The following DIDO1 variants were observed in gnomAD, a reference collection of about 807,000 sequenced individuals.
DIDO1 encodes the protein death inducer-obliterator 1.
DIDO1 carries 16 observed loss-of-function variants against 99.4 expected under a neutral mutation model. The ratio of observed to expected loss-of-function variants is 0.16; its 90% confidence interval spans 0.11 to 0.24. The LOEUF is 0.24. DIDO1 is among the 10% of genes least tolerant of loss of function. The probability of loss-of-function intolerance (pLI) is 1.00; values close to 1 mark genes in which losing one functional copy is unlikely to be tolerated. For missense variants in DIDO1, 2,996 were observed against 3,014.0 expected (o/e 0.99, Z 0.14); for synonymous variants, 1,366 against 1,239.1 (o/e 1.10, Z -2.15).
rs1018493802 is a variant in DIDO1, at chr20:62,896,739, G to C, written c.1846C>G (p.Pro616Ala). The change falls in exon 7 of 16, where the codon CCG becomes GCG. Residue 616 changes from proline (P) to alanine (A), a missense_variant. Pro to Ala is a conservative substitution (Grantham distance 27, BLOSUM62 -1). Coordinates refer to ENST00000395343, the MANE Select transcript of DIDO1 (RefSeq NM_001193369.2). The surrounding 1 kb of genome is among the most constrained non-coding windows in gnomAD (Gnocchi z 4.4). Reference protein sequence around the residue: ...SGASAARQAGPAPAAATAASK... With the variant: ...SGASAARQAGAAPAAATAASK... ...GCAGCCGTTGCCGCTGCAGGTGCCG[G>C]TCCGGCCTGCCTGGCAGCTGAAGCA... is the stretch of plus-strand genomic sequence containing the variant. The C allele has an allele frequency of 1.9e-6, 3 of 1,613,588 alleles. No individual in the cohort carries two copies. Among genetic ancestry groups the C allele is most frequent in the Non-Finnish European group, 1.7e-6 (2 of 1,179,710 alleles).
At chr20:62,909,592 G>T in intron 4 of DIDO1, 107 bp downstream of exon 4, 1 of 1,383,680 alleles carries the variant, frequency 7.2e-7, no homozygotes, top group Non-Finnish European at 9.9e-7. Context: ...GAGAGGCACC[G>T]CCCCACATGG....
In DIDO1 at chr20:62,909,816, G is replaced by A. The variant is rs771159004; in HGVS notation, c.1044C>T (p.Thr348=). Residue 348 remains threonine (T), a synonymous_variant, in exon 4 of 16, where the codon ACC becomes ACT. Transcript: ENST00000395343. ...AKWRPGDADG[T]DCTSIGTIEQ... ...CTATTGTTCCTATACTTGTACAATC[G>A]GTGCCATCAGCATCTCCAGGTCTCC... The A allele has an allele frequency of 8.2e-5, 133 of 1,613,992 alleles. No homozygotes were observed. The highest frequency in any genetic ancestry group is 1.0e-4 in the Non-Finnish European group (121 of 1,180,030).
In DIDO1 at chr20:62,881,268, G is replaced by A. The variant is rs1294750187; in HGVS notation, c.4688C>T (p.Ala1563Val). 1 of 1,603,536 alleles carries A rather than the reference G, an allele frequency of 6.2e-7. No homozygotes were observed. The highest frequency in any genetic ancestry group is 2.2e-5 in the East Asian group (1 of 44,824). Residue 1563 changes from alanine to valine, a missense_variant, in exon 16 of 16, where the codon GCG becomes GTG. Ala to Val is a moderately conservative substitution (Grantham distance 64). Transcript: ENST00000395343. This position sits in a 1 kb window ranked among gnomAD's most constrained non-coding sequence, Gnocchi z 8.3. The part of the protein sequence containing the change: ...QASNHRDPRQ[A>V]RRLATETGEG... ...ACCGGTCTCAGTGGCCAGGCGCCTC[G>A]CCTGCCGGGGGTCCCTGTGGTTTGA... is the stretch of plus-strand genomic sequence containing the variant.
chr20:62,881,609 A>G lies in DIDO1; in HGVS notation c.4347T>C (p.Cys1449=), dbSNP rs2147349350. 1 of 1,612,372 alleles carries G rather than the reference A, an allele frequency of 6.2e-7. No individual in the cohort carries two copies. Among genetic ancestry groups the G allele is most frequent in the South Asian group, 1.1e-5 (1 of 91,072 alleles). The change falls in exon 16 of 16, where the codon TGT becomes TGC. Residue 1449 remains cysteine, a synonymous_variant. Transcript: ENST00000395343. This position sits in a 1 kb window ranked among gnomAD's most constrained non-coding sequence, Gnocchi z 8.3. ...CCACGGAGTTCCTTCTCACGTCGGC[A>G]CACATCCTGTTGGGCAGGTCATCAA... is the stretch of plus-strand genomic sequence containing the variant. The part of the protein sequence containing the change: ...VTVDDLPNRM[C]ADVRRNSVER...
In DIDO1 at chr20:62,894,931, G is replaced by A. The variant is rs770602376; in HGVS notation, c.2332-17C>T. On this transcript the variant is annotated splice_polypyrimidine_tract_variant and intron_variant, in intron 9 of 15. Transcript: ENST00000395343. This position sits in a 1 kb window ranked among gnomAD's most constrained non-coding sequence, Gnocchi z 4.4. ...CTCCATCACCTGAAATGAAAAAGAC[G>A]AAACAGAGCTTAGGCCTTGTTTTCT... 16 of 1,610,664 alleles carry A rather than the reference G, an allele frequency of 9.9e-6. No homozygotes were observed. The highest frequency in any genetic ancestry group is 2.2e-5 in the East Asian group (1 of 44,872).
intron 1 of DIDO1, among the ~76,000 whole-genome samples, chr20:62,916,959 C>G (rs1010956745): frequency 1.3e-5 from 2 of 152,230 alleles, no homozygotes; most frequent in Admixed American, 6.5e-5. Context: ...TGCTGTTCAC[C>G]TGGATGACAC....
At chr20:62,905,126 G>A (rs887915098) in intron 6 of DIDO1, 1 of 1,003,034 alleles carries the variant, frequency 1.0e-6, no homozygotes, top group African/African-American at 1.7e-5. Flanking sequence ...TTTGAAATTT[G>A]GGGCAGGATA....
In DIDO1 at chr20:62,880,017, T is replaced by C; in HGVS notation, c.5939A>G (p.Asn1980Ser). The C allele has an allele frequency of 6.2e-7, 1 of 1,611,578 alleles. No homozygotes were observed. The highest frequency in any genetic ancestry group is 8.5e-7 in the Non-Finnish European group (1 of 1,179,942). ...CTGCAGGGGTGCAGGCGCCCTTTGG[T>C]TTGTGAATCTTGGTGGTGAATGGAC... ...QRVHSPPRFT[N>S]QRAPAPLQFG... The change falls in exon 16 of 16, where the codon AAC (asparagine) becomes AGC (serine). Residue 1980 changes from asparagine (N) to serine (S), a missense_variant. By Grantham distance (46) the Asn-to-Ser change is conservative. Coordinates refer to ENST00000395343, the MANE Select transcript of DIDO1 (RefSeq NM_001193369.2).
chr20:62,905,158 T>A (rs2064772591), intron 6 of DIDO1: 1 of 1,043,988 alleles, frequency 9.6e-7, no homozygotes, highest in Admixed American at 4.9e-5. Flanking sequence ...GTCTAAACAT[T>A]CAAGAGACGA....
upstream of DIDO1, among the ~76,000 whole-genome samples, chr20:62,929,692 A>AAAAAAAAAAAAATATATATAT: frequency 1.6e-5 from 1 of 63,708 alleles, no homozygotes; most frequent in African/African-American, 7.6e-5. Context: ...AAAAAGAAAA[A>AAAAAAAAAAAAATATATATAT]GTGTATATAT....
At chr20:62,884,438 C>T (rs573417393) in intron 15 of DIDO1, among the ~76,000 whole-genome samples, 16 of 152,288 alleles carry the variant, frequency 1.1e-4, no homozygotes, top group Admixed American at 7.8e-4. Flanking sequence ...AACAACTCAA[C>T]GGTACAGATA....
intron 1 of DIDO1, among the ~76,000 whole-genome samples, chr20:62,935,553 G>A (rs2065373882): frequency 6.6e-6 from 1 of 152,206 alleles, no homozygotes; most frequent in African/African-American, 2.4e-5. Context: ...TCTCTACTGA[G>A]GAGGTGAGCA....
intron 1 of DIDO1, among the ~76,000 whole-genome samples, chr20:62,932,502 G>A (rs556758170): frequency 2.0e-4 from 31 of 152,280 alleles, no homozygotes; most frequent in African/African-American, 7.2e-4. Context: ...ATCCTGACCA[G>A]CCAGGTTCAA....
intron 1 of DIDO1, among the ~76,000 whole-genome samples, chr20:62,922,103 T>TATAC (rs1568885562): frequency 1.1e-4 from 7 of 65,170 alleles, no homozygotes; most frequent in African/African-American, 4.9e-4. Context: ...ATACACACTA[T>TATAC]ATATATACAC....
Position 62,881,413 on chromosome 20 carries a change from A to G in DIDO1, c.4543T>C (p.Ser1515Pro). 8.1e-6 allele frequency: 13 copies of G among 1,607,790 alleles called. No homozygotes were observed. The highest frequency in any genetic ancestry group is 1.1e-5 in the Non-Finnish European group (13 of 1,179,942). The part of the protein sequence containing the change: ...AAVGVSMAHF[S>P]VSDALMSPPP... Reference sequence around the variant, plus strand: ...GGAGACATCAAGGCGTCCGACACCGAGAAGTGGGCCATGGAGACCCCGACG... The same window carrying G: ...GGAGACATCAAGGCGTCCGACACCGGGAAGTGGGCCATGGAGACCCCGACG... Residue 1515 changes from serine (S) to proline (P), a missense_variant, in exon 16 of 16, where the codon TCG becomes CCG. Ser to Pro is a moderately conservative substitution (Grantham distance 74). This residue lies in a region of DIDO1 where 1,562 missense variants were observed against 1,412.6 expected (regional missense o/e 1.11). Transcript: ENST00000395343. This position sits in a 1 kb window ranked among gnomAD's most constrained non-coding sequence, Gnocchi z 8.3.
chr20:62,886,751 T>A (rs543446358), intron 15 of DIDO1, among the ~76,000 whole-genome samples: 1 of 152,076 alleles, frequency 6.6e-6, no homozygotes, highest in African/African-American at 2.4e-5. Flanking sequence ...AAATGAAAAC[T>A]CTCTCAATGG....
intron 15 of DIDO1, chr20:62,890,153 C>A: frequency 3.0e-6 from 3 of 985,848 alleles, no homozygotes; most frequent in Non-Finnish European, 3.6e-6. Context: ...GCCTTTATGA[C>A]GAAGCACTTC....
intron 1 of DIDO1, among the ~76,000 whole-genome samples, chr20:62,922,957 A>T (rs1016108620): frequency 6.6e-6 from 1 of 152,166 alleles, no homozygotes; most frequent in African/African-American, 2.4e-5. Context: ...ACAAACTAAC[A>T]GACCAGTTTG....
At chr20:62,890,175 T>G in intron 15 of DIDO1, 1 of 985,842 alleles carries the variant, frequency 1.0e-6, no homozygotes, top group African/African-American at 1.7e-5. Flanking sequence ...GAGGACACTG[T>G]GTGATCCACA....
Sources: gnomAD v4.1 joint callset for allele counts (sites outside exome capture counted in the v4.1 genomes callset) on GRCh38, gnomAD v4.1.1 for gene constraint, gnomAD v4.1.1 regional missense constraint, Gnocchi (gnomAD v3.1) non-coding constraint, MANE v1.5 for transcripts, NCBI Gene and HGNC (gene_info 2026-07-23, HGNC 2026-07-21) for gene names.